Variants in SNX30 observed in about 807,000 individuals in gnomAD.
SNX30 encodes sorting nexin-30.
Under a neutral mutation model 46.4 loss-of-function variants are expected in SNX30, and 24 were observed. The observed-to-expected ratio is 0.52, with a 90% confidence interval of 0.37 to 0.73. The LOEUF is 0.73. Among genes scored for constraint, SNX30 ranks in the 30% least tolerant of loss-of-function variants. SNX30 has a pLI of 0.00. For synonymous variants in SNX30, 189 were observed against 211.5 expected (o/e 0.89, Z 0.92); for missense variants, 533 against 555.7 (o/e 0.96, Z 0.41).
At chr9:112,791,049 A>G (rs1002633946) in intron 1 of SNX30, among the ~76,000 whole-genome samples, 1 of 152,100 alleles carries the variant, frequency 6.6e-6, no homozygotes, top group South Asian at 2.1e-4. Context: ...TTATTGTTTT[A>G]TTGTTATTGG....
chr9:112,759,826 G>A (rs776871801), intron 1 of SNX30, among the ~76,000 whole-genome samples: 3 of 152,016 alleles, frequency 2.0e-5, no homozygotes, highest in Admixed American at 6.6e-5. Flanking sequence ...GTTGTTTAAC[G>A]TCTCTGAGCC....
chr9:112,769,778 C>T (rs989066520), intron 1 of SNX30, among the ~76,000 whole-genome samples: 7 of 152,324 alleles, frequency 4.6e-5, no homozygotes, highest in African/African-American at 1.7e-4. Flanking sequence ...AAACCTCTCT[C>T]CTGAATTCCA....
intron 2 of SNX30, among the ~76,000 whole-genome samples, chr9:112,813,395 C>T (rs1840348522): frequency 6.6e-6 from 1 of 152,002 alleles, no homozygotes; most frequent in African/African-American, 2.4e-5. Context: ...GGGAGGATTG[C>T]CTGAGCCCAG....
intron 4 of SNX30, among the ~76,000 whole-genome samples, chr9:112,835,533 T>C (rs1449703623): frequency 6.6e-6 from 1 of 151,550 alleles, no homozygotes; most frequent in African/African-American, 2.4e-5. Context: ...ACCAGGCTGG[T>C]CTTGAACTCC....
chr9:112,780,177 G>A (rs1256713547), intron 1 of SNX30, among the ~76,000 whole-genome samples: 1 of 152,206 alleles, frequency 6.6e-6, no homozygotes, highest in Non-Finnish European at 1.5e-5. Context: ...ATGCATACAT[G>A]TCTGTATTTT....
intron 1 of SNX30, among the ~76,000 whole-genome samples, chr9:112,764,573 G>C (rs371140132): frequency 1.3e-5 from 2 of 152,136 alleles, no homozygotes; most frequent in South Asian, 2.1e-4. Flanking sequence ...TGTTTTAAGC[G>C]GGGGAGGAAC....
chr9:112,868,609 A>G (rs1841398174), intron 8 of SNX30, among the ~76,000 whole-genome samples, 175 bp from the exon 9 acceptor site: 1 of 152,232 alleles, frequency 6.6e-6, no homozygotes, highest in Non-Finnish European at 1.5e-5. Context: ...GACGCATTCA[A>G]AACAAACACC....
chr9:112,773,132 T>A (rs1839678941), intron 1 of SNX30, among the ~76,000 whole-genome samples: 1 of 152,192 alleles, frequency 6.6e-6, no homozygotes, highest in African/African-American at 2.4e-5. Flanking sequence ...GTGAGGCCGT[T>A]GCAGCTGCGT....
chr9:112,762,766 C>T (rs914450086), intron 1 of SNX30, among the ~76,000 whole-genome samples: 5 of 152,146 alleles, frequency 3.3e-5, no homozygotes, highest in Admixed American at 6.5e-5. Context: ...AGCAAGGCAG[C>T]GAGACAGGGA....
At chr9:112,851,011 C>T in intron 7 of SNX30, 66 bp downstream of exon 7, 1 of 1,275,302 alleles carries the variant, frequency 7.8e-7, no homozygotes, top group Non-Finnish European at 1.1e-6. Flanking sequence ...AGTAAATTCT[C>T]ATCTCTAGAT....
chr9:112,789,366 A>T (rs1340034011), intron 1 of SNX30, among the ~76,000 whole-genome samples: 1 of 151,972 alleles, frequency 6.6e-6, no homozygotes, highest in Non-Finnish European at 1.5e-5. Flanking sequence ...TTGTTTTTCC[A>T]TTTGGCAAGT....
At chr9:112,793,811 T>TG (rs909295235) in intron 1 of SNX30, among the ~76,000 whole-genome samples, 1 of 151,642 alleles carries the variant, frequency 6.6e-6, no homozygotes, top group African/African-American at 2.4e-5. Context: ...TTTGTTTTTT[T>TG]TTTTTTCTTT....
chr9:112,810,142 T>C (rs770672101), intron 2 of SNX30, among the ~76,000 whole-genome samples: 1 of 152,088 alleles, frequency 6.6e-6, no homozygotes, highest in Non-Finnish European at 1.5e-5. Context: ...GATGAAGCCT[T>C]CTAAGGGTGG....
chr9:112,869,114 T>C lies in SNX30; in HGVS notation c.*271T>C, dbSNP rs1841405620. On this transcript the variant is annotated 3_prime_UTR_variant, in exon 9 of 9. Transcript: ENST00000374232. ...TCTGTTCAGTGAAGCACTACGAAAA[T>C]TTGAAACCAAGGGACAAGACAACCT... is the stretch of plus-strand genomic sequence containing the variant. The C allele has an allele frequency of 2.4e-6, 1 of 412,882 alleles. No homozygotes were observed. The highest frequency in any genetic ancestry group is 4.5e-6 in the Non-Finnish European group (1 of 223,720). The allele number at this position is 412,882 out of a possible 1,614,324, so 25.6% of individuals were successfully genotyped here. A position where few individuals can be genotyped will look rare whatever the true frequency, so the allele number is the denominator to read the frequency against.
chr9:112,879,820 C>T (rs1307573199), downstream of SNX30: 1 of 1,612,416 alleles, frequency 6.2e-7, no homozygotes, highest in South Asian at 1.1e-5. Flanking sequence ...GGCCACGATG[C>T]TGTAAGAATT....
At chr9:112,760,832 C>T (rs900395050) in intron 1 of SNX30, among the ~76,000 whole-genome samples, 3 of 152,228 alleles carry the variant, frequency 2.0e-5, no homozygotes, top group Non-Finnish European at 4.4e-5. Flanking sequence ...CTATTGGCAG[C>T]CCCACTAGCT....
At chr9:112,754,427 T>G (rs1839319189) in intron 1 of SNX30, among the ~76,000 whole-genome samples, 1 of 145,720 alleles carries the variant, frequency 6.9e-6, no homozygotes, top group East Asian at 2.0e-4. Context: ...TTTTTTTTTT[T>G]TGAGATGGAG....
intron 1 of SNX30, among the ~76,000 whole-genome samples, chr9:112,787,237 C>G (rs1839943804): frequency 6.6e-6 from 1 of 152,160 alleles, no homozygotes; most frequent in African/African-American, 2.4e-5. Context: ...TAAATCAATA[C>G]AACATTATTG....
chr9:112,784,881 T>G (rs992685737), intron 1 of SNX30, among the ~76,000 whole-genome samples: 1 of 152,192 alleles, frequency 6.6e-6, no homozygotes, highest in Non-Finnish European at 1.5e-5. Flanking sequence ...TAAACTAGAT[T>G]CCTCAAGTAA....
Sources: allele counts gnomAD v4.1 joint callset (sites outside exome capture counted in the v4.1 genomes callset), GRCh38; gene constraint gnomAD v4.1.1; transcripts MANE v1.5; gene names NCBI Gene and HGNC (gene_info 2026-07-23, HGNC 2026-07-21).